UPF3A: variants seen among roughly 807,000 people sequenced by gnomAD.
UPF3A encodes regulator of nonsense transcripts 3A.
In UPF3A, 42 loss-of-function variants were observed where a neutral mutation model predicts 53.5. That is an observed-to-expected ratio of 0.78 (90% CI 0.61 to 1.01). The LOEUF (loss-of-function observed/expected upper bound fraction) is 1.01. UPF3A is among the 50% of genes least tolerant of loss of function. The pLI is 0.00. For synonymous variants in UPF3A, 237 were observed against 225.3 expected (o/e 1.05, Z -0.47); for missense variants, 575 against 598.0 (o/e 0.96, Z 0.40).
intron 5 of UPF3A, among the ~76,000 whole-genome samples, chr13:114,288,626 T>C (rs1396594842): frequency 6.6e-6 from 1 of 152,080 alleles, no homozygotes; most frequent in Non-Finnish European, 1.5e-5. Context: ...TGATTATTTG[T>C]CCCCGTCACT....
intron 3 of UPF3A, chr13:114,285,168 C>A (rs1238251397): frequency 6.6e-6 from 1 of 152,212 alleles, no homozygotes; most frequent in East Asian, 1.9e-4. Context: ...TCCAGTTTTC[C>A]CAGCACCAGT....
chr13:114,282,724 G>C (rs1311773627), intron 2 of UPF3A, 113 bp from the exon 3 acceptor site: 1 of 1,500,818 alleles, frequency 6.7e-7, no homozygotes, highest in Admixed American at 2.7e-5. Flanking sequence ...AGATGATTTG[G>C]CACAAAAGTT....
At chr13:114,283,745 T>C (rs80113989) in intron 3 of UPF3A, 81,676 of 985,340 alleles carry the variant, frequency 0.083, 3,541 homozygotes, top group South Asian at 0.16. Context: ...TCAGTACTTC[T>C]AGGGTTCTGC....
chr13:114,282,655 A>G (rs2139116512), intron 2 of UPF3A, 182 bp from the exon 3 acceptor site: 1 of 985,480 alleles, frequency 1.0e-6, no homozygotes, highest in South Asian at 4.7e-5. Context: ...TCTGCCTTGT[A>G]AAGTTAACGT....
intron 5 of UPF3A, 71 bp downstream of exon 5, chr13:114,286,700 T>C: frequency 7.9e-7 from 1 of 1,273,288 alleles, no homozygotes; most frequent in South Asian, 1.4e-5. Flanking sequence ...GTTTTTTCTC[T>C]TTTTCTTGAC....
chr13:114,286,679 A>G, intron 5 of UPF3A, 50 bp downstream of exon 5: 1 of 1,452,856 alleles, frequency 6.9e-7, no homozygotes, highest in South Asian at 1.2e-5. Flanking sequence ...ATTTACTCGT[A>G]GAGGATATAC....
At chr13:114,291,337 A>G in intron 5 of UPF3A, 152 bp from the exon 6 acceptor site, 1 of 636,862 alleles carries the variant, frequency 1.6e-6, no homozygotes, top group Non-Finnish European at 2.5e-6. Flanking sequence ...ACCTGACAGT[A>G]ATGGAATAAA....
At chr13:114,292,180 C>T (rs1378973643) in intron 7 of UPF3A, among the ~76,000 whole-genome samples, 1 of 150,826 alleles carries the variant, frequency 6.6e-6, no homozygotes, top group Non-Finnish European at 1.5e-5. Flanking sequence ...ATTGTCAGCT[C>T]AACGCGTACA....
rs2085298192 is a variant in UPF3A at position 114,291,793 on chromosome 13, G to A, written c.846+1G>A. 6.3e-7 allele frequency: 1 copy of A among 1,578,114 alleles called. No homozygotes were observed. The highest frequency in any genetic ancestry group is 8.6e-7 in the Non-Finnish European group (1 of 1,165,936). ...TGCAGAGAAAGAAGTAAGGATTAAGGTAATTCTGAGGAAACATTTCCTTTT... is the reference window on the plus strand; with the variant it reads ...TGCAGAGAAAGAAGTAAGGATTAAGATAATTCTGAGGAAACATTTCCTTTT... On this transcript the variant is annotated splice_donor_variant, in intron 7 of 9. Coordinates refer to ENST00000375299, the MANE Select transcript of UPF3A (RefSeq NM_023011.4). LOFTEE classifies it high-confidence loss of function.
chr13:114,294,778 T>C (rs2139282431), intron 7 of UPF3A, among the ~76,000 whole-genome samples: 1 of 150,966 alleles, frequency 6.6e-6, no homozygotes, highest in East Asian at 2.0e-4. Flanking sequence ...TGAGCTGAGA[T>C]CACGCCACTG....
Position 114,304,882 on chromosome 13 carries a change from G to A in UPF3A, c.1396G>A (p.Gly466Arg). 1 of 1,613,758 alleles carries A rather than the reference G, an allele frequency of 6.2e-7. No individual in the cohort carries two copies. Among genetic ancestry groups the A allele is most frequent in the Non-Finnish European group, 8.5e-7 (1 of 1,179,778 alleles). ...NRRICKAEGS[G>R]TGPEKREEAE The stretch of plus-strand genomic sequence containing the variant: ...GAGGATCTGCAAGGCAGAAGGTTCG[G>A]GGACTGGTCCTGAGAAGAGGGAAGA... Residue 466 changes from glycine to arginine, a missense_variant, in exon 10 of 10, where the codon GGG becomes AGG. By Grantham distance (125) the Gly-to-Arg change is moderately radical. This residue lies in a region of UPF3A where 323 missense variants were observed against 415.2 expected (regional missense o/e 0.78). Coordinates refer to ENST00000375299, the MANE Select transcript of UPF3A (RefSeq NM_023011.4).
chr13:114,295,734 T>C (rs762763865), intron 7 of UPF3A, among the ~76,000 whole-genome samples: 1 of 152,208 alleles, frequency 6.6e-6, no homozygotes, highest in Non-Finnish European at 1.5e-5. Flanking sequence ...TTGCCTCAGG[T>C]GGTGCATCAG....
At chr13:114,291,858 T>C (rs2085304215) in intron 7 of UPF3A, 66 bp downstream of exon 7, 2 of 1,493,160 alleles carry the variant, frequency 1.3e-6, no homozygotes, top group Admixed American at 4.5e-5. Flanking sequence ...ACTTTTTACA[T>C]ATCTTAGTTC....
In UPF3A at chr13:114,286,603, T is replaced by G; in HGVS notation, c.605T>G (p.Met202Arg). 1 of 1,613,460 alleles carries G rather than the reference T, an allele frequency of 6.2e-7. No homozygotes were observed. Among genetic ancestry groups the G allele is most frequent in the Non-Finnish European group, 8.5e-7 (1 of 1,179,764 alleles). Residue 202 changes from methionine to arginine, a missense_variant, in exon 5 of 10, where the codon ATG becomes AGG. Transcript: ENST00000375299. Reference sequence around the variant, plus strand: ...AACCCTGAGACTCTGCTGGGGGAGATGGAGGCGAAGACAAGAGAGCTCATT... The same window carrying G: ...AACCCTGAGACTCTGCTGGGGGAGAGGGAGGCGAAGACAAGAGAGCTCATT... ...SANPETLLGE[M>R]EAKTRELIAR...
intron 7 of UPF3A, among the ~76,000 whole-genome samples, chr13:114,294,655 G>T (rs1008780204): frequency 6.9e-6 from 1 of 145,764 alleles, no homozygotes; most frequent in Admixed American, 6.8e-5. Context: ...GAAACCCCAT[G>T]TCTACTAAAA....
intron 1 of UPF3A, 53 bp downstream of exon 1, chr13:114,281,899 T>A (rs868473380): frequency 2.7e-5 from 17 of 621,122 alleles, no homozygotes; most frequent in Non-Finnish European, 4.4e-5. Flanking sequence ...CGGCCCTGAG[T>A]GGAGGGAGGG....
intron 9 of UPF3A, among the ~76,000 whole-genome samples, chr13:114,303,436 C>T (rs1022849522): frequency 3.3e-5 from 5 of 152,126 alleles, no homozygotes; most frequent in African/African-American, 1.2e-4. Context: ...TTGTCATGTA[C>T]TTCTAAGGTC....
Position 114,281,822 on chromosome 13 carries a change from G to A in UPF3A, c.183G>A (p.Glu61=), listed in dbSNP as rs1456195230. The A allele has an allele frequency of 1.3e-6, 2 of 1,545,524 alleles. No individual in the cohort carries two copies. Among genetic ancestry groups the A allele is most frequent in the Non-Finnish European group, 1.7e-6 (2 of 1,143,752 alleles). ...GGGGCGGTGCGGGCAAACCTCGCGA[G>A]GAGAAGAGGACGGCCCTGAGCAAGG... ...GCGGGAGKPR[E]EKRTALSKVV... is the part of the protein sequence containing the mutation. Residue 61 remains glutamate (E), a synonymous_variant, in exon 1 of 10, where the codon GAG becomes GAA. Coordinates refer to ENST00000375299, the MANE Select transcript of UPF3A (RefSeq NM_023011.4).
At chr13:114,301,634 T>TG (rs2086617674) in intron 8 of UPF3A, 97 bp from the exon 9 acceptor site, 1 of 1,274,514 alleles carries the variant, frequency 7.8e-7, no homozygotes, top group African/African-American at 1.5e-5. Flanking sequence ...GCACTTCGCA[T>TG]GGGTCCCTGT....
Sources: gnomAD v4.1 joint callset for allele counts (sites outside exome capture counted in the v4.1 genomes callset) on GRCh38, gnomAD v4.1.1 for gene constraint, gnomAD v4.1.1 regional missense constraint, MANE v1.5 for transcripts, NCBI Gene and HGNC (gene_info 2026-07-23, HGNC 2026-07-21) for gene names.